The following SCHIP1 variants were observed in gnomAD, a reference collection of about 807,000 sequenced individuals.
SCHIP1 encodes schwannomin interacting protein 1, also known as schwannomin-interacting protein 1.
A neutral mutation model predicts 29.7 loss-of-function variants in SCHIP1; 8 were observed. That is an observed-to-expected ratio of 0.27 (90% CI 0.16 to 0.49). The LOEUF is 0.49. SCHIP1 is among the 20% of genes least tolerant of loss of function. The probability of loss-of-function intolerance (pLI) is 0.99; values close to 1 mark genes in which losing one functional copy is unlikely to be tolerated. For synonymous variants in SCHIP1, 76 were observed against 94.9 expected (o/e 0.80, Z 1.16); for missense variants, 193 against 294.6 (o/e 0.66, Z 2.52).
chr3:159,663,852 C>T, the SCHIP1 span, among the ~76,000 whole-genome samples: 8 of 152,228 alleles, frequency 5.3e-5, no homozygotes, highest in East Asian at 1.4e-3. Context: ...AGCAGTTCCT[C>T]GCTCACAAAA....
chr3:159,283,453 G>A, the SCHIP1 span, among the ~76,000 whole-genome samples: 2 of 151,934 alleles, frequency 1.3e-5, no homozygotes, highest in Non-Finnish European at 2.9e-5. Flanking sequence ...ATCATGCCCG[G>A]CATATTTTTT....
At chr3:159,418,037 G>A in the SCHIP1 span, among the ~76,000 whole-genome samples, 1 of 152,128 alleles carries the variant, frequency 6.6e-6, no homozygotes, top group African/African-American at 2.4e-5. Flanking sequence ...CAGATGCTTG[G>A]GGAATGAACA....
At chr3:159,357,051 G>A in the SCHIP1 span, among the ~76,000 whole-genome samples, 1 of 152,238 alleles carries the variant, frequency 6.6e-6, no homozygotes, top group Non-Finnish European at 1.5e-5. Flanking sequence ...CCCATTACTT[G>A]AATTTGGTTA....
the SCHIP1 span, among the ~76,000 whole-genome samples, chr3:159,593,602 T>C: frequency 5.9e-5 from 9 of 152,270 alleles, 1 homozygote; most frequent in South Asian, 1.9e-3. Flanking sequence ...GAGGCTGCCC[T>C]CTAAAGATCA....
chr3:159,623,435 G>T, the SCHIP1 span, among the ~76,000 whole-genome samples: 2 of 152,226 alleles, frequency 1.3e-5, no homozygotes, highest in Non-Finnish European at 2.9e-5. Flanking sequence ...AGACCAGCTT[G>T]GTCAACATGG....
the SCHIP1 span, among the ~76,000 whole-genome samples, chr3:159,626,110 A>C: frequency 3.7e-4 from 44 of 118,974 alleles, 2 homozygotes; most frequent in Non-Finnish European, 5.1e-4. Context: ...AGATAGATAG[A>C]TAGATAGATA....
the SCHIP1 span, among the ~76,000 whole-genome samples, chr3:159,418,980 G>A: frequency 2.0e-5 from 3 of 152,294 alleles, no homozygotes; most frequent in South Asian, 6.2e-4. Context: ...ATGGGCCTCA[G>A]TTTTCTCGCC....
At chr3:159,789,283 A>G in the SCHIP1 span, among the ~76,000 whole-genome samples, 4 of 152,150 alleles carry the variant, frequency 2.6e-5, no homozygotes, top group Non-Finnish European at 4.4e-5. Flanking sequence ...CGTCCTTTTC[A>G]GGGGACCTCT....
chr3:159,828,626 G>A, the SCHIP1 span, among the ~76,000 whole-genome samples: 1 of 150,826 alleles, frequency 6.6e-6, no homozygotes, highest in African/African-American at 2.4e-5. Flanking sequence ...AAACACAATA[G>A]TCCACTAGAG....
chr3:159,379,980 AT>A, the SCHIP1 span, among the ~76,000 whole-genome samples: 1 of 152,166 alleles, frequency 6.6e-6, no homozygotes, highest in African/African-American at 2.4e-5. Context: ...CACAAATACA[AT>A]TTTGCATTGC....
At chr3:159,423,874 C>A in the SCHIP1 span, among the ~76,000 whole-genome samples, 2 of 152,034 alleles carry the variant, frequency 1.3e-5, no homozygotes, top group African/African-American at 4.8e-5. Flanking sequence ...TTCAGAGGAA[C>A]GATCAGACAG....
At chr3:159,868,961 T>C (rs1330832668) in intron 2 of SCHIP1, among the ~76,000 whole-genome samples, 1 of 152,098 alleles carries the variant, frequency 6.6e-6, no homozygotes, top group Admixed American at 6.6e-5. Context: ...ACATTTGATA[T>C]TGCCAATTCT....
the SCHIP1 span, among the ~76,000 whole-genome samples, chr3:159,465,560 C>T: frequency 6.6e-6 from 1 of 152,066 alleles, no homozygotes; most frequent in Non-Finnish European, 1.5e-5. Context: ...CAGGTAAATA[C>T]TGAAATATAT....
the SCHIP1 span, among the ~76,000 whole-genome samples, chr3:159,668,085 C>T: frequency 2.0e-5 from 3 of 152,246 alleles, no homozygotes; most frequent in South Asian, 4.1e-4. Flanking sequence ...AAGAGTGAGT[C>T]CCGGCCAGGT....
the SCHIP1 span, among the ~76,000 whole-genome samples, chr3:159,828,426 T>C: frequency 9.5e-6 from 1 of 105,036 alleles, no homozygotes; most frequent in Non-Finnish European, 2.0e-5. Context: ...TACGTATATA[T>C]ATACGTATAT....
chr3:159,886,131 A>G, intron 2 of SCHIP1, 76 bp from the exon 4 acceptor site: 1 of 1,525,790 alleles, frequency 6.6e-7, no homozygotes, highest in Non-Finnish European at 9.0e-7. Flanking sequence ...CTGTTAGCAA[A>G]ATCAGACAGT....
At chr3:159,828,388 CATAT>C in the SCHIP1 span, among the ~76,000 whole-genome samples, 1 of 65,328 alleles carries the variant, frequency 1.5e-5, no homozygotes, top group Non-Finnish European at 3.3e-5. Flanking sequence ...TATATATATA[CATAT>C]ATACGTATAT....
the SCHIP1 span, among the ~76,000 whole-genome samples, chr3:159,499,057 T>A: frequency 2.0e-5 from 3 of 152,154 alleles, no homozygotes; most frequent in Non-Finnish European, 4.4e-5. Context: ...ACCCAGGCCT[T>A]GATTTCAACC....
the SCHIP1 span, among the ~76,000 whole-genome samples, chr3:159,704,463 C>T: frequency 6.8e-6 from 1 of 146,002 alleles, no homozygotes; most frequent in African/African-American, 2.5e-5. Context: ...GAAGTTTAGT[C>T]CATTAGAACA....
Sources: gnomAD v4.1 joint callset for allele counts (sites outside exome capture counted in the v4.1 genomes callset) on GRCh38, gnomAD v4.1.1 for gene constraint, MANE v1.5 for transcripts, NCBI Gene and HGNC (gene_info 2026-07-23, HGNC 2026-07-21) for gene names.